Variants in ROBO1 observed in about 807,000 individuals in gnomAD.
The protein encoded by ROBO1 is roundabout guidance receptor 1, also known as roundabout homolog 1.
Under a neutral mutation model 195.9 loss-of-function variants are expected in ROBO1, and 149 were observed. That is an observed-to-expected ratio of 0.76 (90% confidence interval 0.67 to 0.87). The LOEUF (loss-of-function observed/expected upper bound fraction) is 0.87, where lower values mean the gene tolerates loss of function less well. Ranked by LOEUF, ROBO1 falls within the 40% of genes least tolerant of loss-of-function variation. The pLI is 0.00. For synonymous variants in ROBO1, 816 were observed against 733.2 expected, an observed-to-expected ratio of 1.11 and a Z score of -1.82; for missense variants, 1,933 against 2,068.3, an observed-to-expected ratio of 0.93 and a Z score of 1.27.
intron 2 of ROBO1, among the ~76,000 whole-genome samples, chr3:79,477,128 G>A (rs1263176654): frequency 6.6e-6 from 1 of 151,956 alleles, no homozygotes; most frequent in Non-Finnish European, 1.5e-5. Context: ...AAAGTCACTG[G>A]TACTGCTAAT....
At chr3:79,395,762 A>G (rs995444480) in intron 2 of ROBO1, among the ~76,000 whole-genome samples, 1 of 152,132 alleles carries the variant, frequency 6.6e-6, no homozygotes, top group African/African-American at 2.4e-5. Flanking sequence ...AAACTTTCAT[A>G]AAGACCTCTT....
chr3:79,005,461 G>T (rs900904230), intron 3 of ROBO1, among the ~76,000 whole-genome samples: 6 of 152,100 alleles, frequency 3.9e-5, no homozygotes, highest in Non-Finnish European at 7.4e-5. Context: ...GAAACAGAAT[G>T]AAAACTAAAA....
chr3:79,741,669 C>T (rs1363844484), intron 1 of ROBO1, among the ~76,000 whole-genome samples: 1 of 152,050 alleles, frequency 6.6e-6, no homozygotes, highest in African/African-American at 2.4e-5. Flanking sequence ...GACTTTGGAA[C>T]TGGGTAACAG....
chr3:79,261,152 T>C lies in ROBO1; in HGVS notation c.89-135613A>G, dbSNP rs1373549701. Among the ~76,000 whole-genome samples, 3 of 152,110 alleles carry C rather than the reference T, an allele frequency of 2.0e-5. No individual in the cohort carries two copies. In the East Asian group the frequency reaches 5.8e-4, roughly 29 times the overall value. ...GTTGATTTTTAAGGATTATCTGACT[T>C]TCAAGGAACATAGTATTTTTTTTGT... On this transcript the variant is annotated intron_variant, in intron 2 of 30. Transcript: ENST00000464233.
At chr3:78,946,804 C>A (rs1055668853) in intron 3 of ROBO1, among the ~76,000 whole-genome samples, 3 of 151,922 alleles carry the variant, frequency 2.0e-5, no homozygotes, top group Non-Finnish European at 4.4e-5. Flanking sequence ...CACACATAGG[C>A]TCAAAATAAA....
chr3:79,715,512 TTAG>T (rs1438959801), intron 1 of ROBO1, among the ~76,000 whole-genome samples: 1 of 152,128 alleles, frequency 6.6e-6, no homozygotes, highest in Admixed American at 6.6e-5. Flanking sequence ...ATGTACTTTT[TTAG>T]AAATAATGCT....
chr3:79,539,013 A>G (rs1295906147), intron 2 of ROBO1, among the ~76,000 whole-genome samples: 1 of 152,150 alleles, frequency 6.6e-6, no homozygotes, highest in African/African-American at 2.4e-5. Context: ...ATAAGGTCCT[A>G]CAAGATGACA....
In ROBO1 at chr3:78,699,033, TAGAA is replaced by T. The variant is rs777014547; in HGVS notation, c.1046-10265_1046-10262del. 3.9e-5 allele frequency among the ~76,000 whole-genome samples: 6 copies of T among 152,274 alleles called. No individual in the cohort carries two copies. In the South Asian group the frequency reaches 6.2e-4, roughly 16 times the overall value. Reference sequence around the variant, plus strand: ...GATGGTAATATTCCCTACGTCCACTTAGAAAGCCAGAAACCTACATCTTTCCTGT... The same window carrying T: ...GATGGTAATATTCCCTACGTCCACTTAGCCAGAAACCTACATCTTTCCTGT... On this transcript the variant is annotated intron_variant, in intron 8 of 30. Coordinates refer to ENST00000464233, the MANE Select transcript of ROBO1 (RefSeq NM_002941.4).
intron 2 of ROBO1, among the ~76,000 whole-genome samples, chr3:79,260,019 A>T (rs917962886): frequency 2.6e-5 from 4 of 152,024 alleles, no homozygotes; most frequent in African/African-American, 9.7e-5. Context: ...ATGTTACAAT[A>T]CATAATTAGA....
At chr3:79,253,936 T>C (rs1345477195) in intron 2 of ROBO1, among the ~76,000 whole-genome samples, 1 of 152,172 alleles carries the variant, frequency 6.6e-6, no homozygotes, top group Non-Finnish European at 1.5e-5. Context: ...GTGGTTTGGG[T>C]TGCAACATGA....
chr3:79,705,589 T>C (rs956877807), intron 1 of ROBO1, among the ~76,000 whole-genome samples: 3 of 152,114 alleles, frequency 2.0e-5, no homozygotes, highest in African/African-American at 7.2e-5. Context: ...TGTAACATTA[T>C]TGTAAGTTTT....
chr3:79,213,816 CTTTTT>C lies in ROBO1; in HGVS notation c.89-88282_89-88278del, dbSNP rs59942369. On this transcript the variant is annotated intron_variant, in intron 2 of 30. Transcript: ENST00000464233. ...GAAGAGAGAAATAACTCTCCCCTTT[CTTTTT>C]TTTTTTTTTTTTTTTTTTGTGAGAG... Among the ~76,000 whole-genome samples the C allele has an allele frequency of 2.2e-3, 167 of 74,584 alleles. 1 individual carries two copies. Among genetic ancestry groups the C allele is most frequent in the African/African-American group, 6.8e-3 (157 of 23,026 alleles). 48.9% of individuals were successfully genotyped at this position (74,584 alleles called of 152,430 possible). A position where few individuals can be genotyped will look rare whatever the true frequency, so the allele number is the denominator to read the frequency against.
At chr3:79,462,088 A>G (rs1022706335) in intron 2 of ROBO1, among the ~76,000 whole-genome samples, 4 of 152,176 alleles carry the variant, frequency 2.6e-5, no homozygotes, top group African/African-American at 9.7e-5. Flanking sequence ...CATAAAGTTG[A>G]AGATTATAGC....
intron 4 of ROBO1, among the ~76,000 whole-genome samples, chr3:78,873,813 G>A (rs930707460): frequency 2.6e-5 from 4 of 151,970 alleles, no homozygotes; most frequent in Middle Eastern, 3.2e-3. Flanking sequence ...ATAACTTTAT[G>A]CTGGAAAGTT....
intron 2 of ROBO1, among the ~76,000 whole-genome samples, chr3:79,526,977 C>T (rs1465468151): frequency 6.6e-6 from 1 of 152,084 alleles, no homozygotes; most frequent in African/African-American, 2.4e-5. Flanking sequence ...TATTCCTATA[C>T]AGATAAATCA....
chr3:78,816,665 C>T (rs1445312406), intron 4 of ROBO1, among the ~76,000 whole-genome samples: 3 of 152,106 alleles, frequency 2.0e-5, no homozygotes, highest in Non-Finnish European at 2.9e-5. Context: ...TTTATTTCAA[C>T]CCTCATGAAT....
intron 2 of ROBO1, among the ~76,000 whole-genome samples, chr3:79,583,407 TTTC>T (rs1435676090): frequency 6.6e-6 from 1 of 151,966 alleles, no homozygotes; most frequent in African/African-American, 2.4e-5. Context: ...AATTATGATT[TTTC>T]TTTTCATGAA....
chr3:79,144,049 T>C (rs1044434994), intron 2 of ROBO1, among the ~76,000 whole-genome samples: 2 of 152,080 alleles, frequency 1.3e-5, no homozygotes, highest in Non-Finnish European at 2.9e-5. Context: ...TTTATTGCTA[T>C]GGCAATGTAG....
At chr3:78,843,587 G>A (rs144164337) in intron 4 of ROBO1, among the ~76,000 whole-genome samples, 158 of 152,086 alleles carry the variant, frequency 1.0e-3, no homozygotes, top group Middle Eastern at 3.4e-3. Flanking sequence ...GAAGGTTTCG[G>A]AGTATGTCTC....
Sources: allele counts gnomAD v4.1 joint callset (sites outside exome capture counted in the v4.1 genomes callset), GRCh38; gene constraint gnomAD v4.1.1; transcripts MANE v1.5; gene names NCBI Gene and HGNC (gene_info 2026-07-23, HGNC 2026-07-21).